MAN2A1: variants seen among roughly 807,000 people sequenced by gnomAD.
MAN2A1 encodes the protein alpha-mannosidase 2.
A neutral mutation model predicts 142.6 loss-of-function variants in MAN2A1; 76 were observed. The ratio of observed to expected loss-of-function variants is 0.53; its 90% CI spans 0.44 to 0.65. MAN2A1 has a LOEUF of 0.65. Among genes scored for constraint, MAN2A1 ranks in the 30% least tolerant of loss-of-function variants. The pLI is 0.00. For synonymous variants in MAN2A1, 559 were observed against 473.2 expected (o/e 1.18, Z -2.35); for missense variants, 1,311 against 1,365.1 (o/e 0.96, Z 0.62).
chr5:109,821,847 T>A (rs528634319), intron 15 of MAN2A1, among the ~76,000 whole-genome samples: 1 of 152,094 alleles, frequency 6.6e-6, no homozygotes, highest in African/African-American at 2.4e-5. Context: ...TCATTTAGTT[T>A]GTTAATTATT....
At chr5:109,720,765 G>GCAGC (rs1315715984) in intron 3 of MAN2A1, among the ~76,000 whole-genome samples, 3 of 152,236 alleles carry the variant, frequency 2.0e-5, no homozygotes, top group Non-Finnish European at 4.4e-5. Context: ...TGGGCCACAT[G>GCAGC]CAGCCCGTGG....
chr5:109,731,659 G>A (rs1295285748), intron 4 of MAN2A1, among the ~76,000 whole-genome samples: 3 of 151,506 alleles, frequency 2.0e-5, no homozygotes, highest in African/African-American at 7.3e-5. Context: ...ATGGTTTCCA[G>A]CTTCATCCAT....
chr5:109,696,038 G>A (rs1033591393), intron 1 of MAN2A1, among the ~76,000 whole-genome samples: 2 of 151,914 alleles, frequency 1.3e-5, no homozygotes, highest in African/African-American at 4.8e-5. Context: ...TAGCTTTTCT[G>A]AAAGAGTGCC....
At chr5:109,838,371 C>T (rs1402578017) in intron 16 of MAN2A1, among the ~76,000 whole-genome samples, 2 of 152,162 alleles carry the variant, frequency 1.3e-5, no homozygotes, top group Non-Finnish European at 2.9e-5. Context: ...AAGTCTAAGT[C>T]CCCCAGAGGG....
intron 12 of MAN2A1, among the ~76,000 whole-genome samples, chr5:109,807,855 C>T (rs559053691): frequency 2.3e-4 from 35 of 152,330 alleles, no homozygotes; most frequent in Admixed American, 1.8e-3. Context: ...ATCTATCTGT[C>T]TTCACCTTTC....
chr5:109,707,777 A>G (rs975731372), intron 1 of MAN2A1, among the ~76,000 whole-genome samples: 2 of 152,148 alleles, frequency 1.3e-5, no homozygotes, highest in Admixed American at 6.5e-5. Context: ...AGAAAGAGAT[A>G]TTCAGTCCTT....
chr5:109,791,490 A>G (rs1293182058), intron 12 of MAN2A1, among the ~76,000 whole-genome samples: 1 of 152,026 alleles, frequency 6.6e-6, no homozygotes, highest in Admixed American at 6.6e-5. Context: ...TGGAAGCCTT[A>G]GAGGTGTGGC....
At chr5:109,744,751 C>T (rs1351507101) in intron 4 of MAN2A1, among the ~76,000 whole-genome samples, 1 of 152,028 alleles carries the variant, frequency 6.6e-6, no homozygotes, top group African/African-American at 2.4e-5. Context: ...CTGGGGGCTC[C>T]ACTCCTAGCA....
intron 17 of MAN2A1, among the ~76,000 whole-genome samples, chr5:109,844,341 A>G (rs1253556879): frequency 6.6e-6 from 1 of 152,228 alleles, no homozygotes; most frequent in East Asian, 1.9e-4. Context: ...AAAACTAGGT[A>G]TCTAGCTCCA....
At chr5:109,734,622 T>C (rs551189039) in intron 4 of MAN2A1, among the ~76,000 whole-genome samples, 3 of 152,354 alleles carry the variant, frequency 2.0e-5, no homozygotes, top group African/African-American at 7.2e-5. Context: ...CTTCATTTTG[T>C]TATGTACCCA....
chr5:109,808,234 ATTTG>A (rs989337884), intron 12 of MAN2A1, among the ~76,000 whole-genome samples: 7 of 152,142 alleles, frequency 4.6e-5, no homozygotes, highest in African/African-American at 1.4e-4. Flanking sequence ...CCTTTAAAAA[ATTTG>A]TTTGTTTTTG....
chr5:109,832,839 CGGCTGCCGGGCGG>C (rs1561535054), intron 16 of MAN2A1, among the ~76,000 whole-genome samples: 2,025 of 148,288 alleles, frequency 0.014, 35 homozygotes, highest in African/African-American at 0.05. Flanking sequence ...CTGGAGGGGG[CGGCTGCCGGGCGG>C]AGGGGCTCCT....
chr5:109,822,335 A>T (rs940936183), intron 15 of MAN2A1, among the ~76,000 whole-genome samples: 4 of 152,270 alleles, frequency 2.6e-5, no homozygotes, highest in East Asian at 1.9e-4. Flanking sequence ...ATTTATACTT[A>T]AAAAAGTAGT....
At chr5:109,699,487 AGAAT>A (rs1195172792) in intron 1 of MAN2A1, 1 of 152,272 alleles carries the variant, frequency 6.6e-6, no homozygotes, top group Admixed American at 6.5e-5. Context: ...ACCACAAAAA[AGAAT>A]AAATAAGTGA....
At chr5:109,706,777 G>A (rs1424218962) in intron 1 of MAN2A1, among the ~76,000 whole-genome samples, 2 of 152,056 alleles carry the variant, frequency 1.3e-5, no homozygotes, top group Non-Finnish European at 1.5e-5. Flanking sequence ...ATGAAAGGTG[G>A]TATAGATCCT....
intron 12 of MAN2A1, among the ~76,000 whole-genome samples, chr5:109,794,013 A>G (rs1753800327): frequency 6.6e-6 from 1 of 152,186 alleles, no homozygotes; most frequent in South Asian, 2.1e-4. Context: ...CCAAGTAAGA[A>G]TGTGTCTTAG....
chr5:109,771,010 T>C (rs765013784), intron 7 of MAN2A1, among the ~76,000 whole-genome samples: 2 of 152,212 alleles, frequency 1.3e-5, no homozygotes, highest in Non-Finnish European at 2.9e-5. Flanking sequence ...CTCTGGTGTA[T>C]ACACATCTTT....
intron 10 of MAN2A1, among the ~76,000 whole-genome samples, chr5:109,786,486 C>T (rs2112674316): frequency 6.6e-6 from 1 of 152,130 alleles, no homozygotes; most frequent in South Asian, 2.1e-4. Flanking sequence ...ATTGGTTCCT[C>T]CATATGTTTT....
intron 6 of MAN2A1, among the ~76,000 whole-genome samples, chr5:109,768,783 C>T (rs992713579): frequency 6.6e-6 from 1 of 152,066 alleles, no homozygotes; most frequent in South Asian, 2.1e-4. Context: ...AGAACAAGAA[C>T]TTGTAGGGGA....
Sources: allele counts gnomAD v4.1 joint callset (sites outside exome capture counted in the v4.1 genomes callset), GRCh38; gene constraint gnomAD v4.1.1; transcripts MANE v1.5; gene names NCBI Gene and HGNC (gene_info 2026-07-23, HGNC 2026-07-21).